GSE1: variants seen among roughly 807,000 people sequenced by gnomAD.
GSE1 encodes Gse1 coiled-coil protein.
In GSE1, 32 loss-of-function variants were observed where a neutral mutation model predicts 112.6. The observed-to-expected ratio is 0.28, with a 90% CI of 0.21 to 0.38. The LOEUF (loss-of-function observed/expected upper bound fraction) is 0.38. Ranked by LOEUF, GSE1 falls within the 10% of genes least tolerant of loss-of-function variation. GSE1 has a pLI of 1.00. For synonymous variants in GSE1, 1,115 were observed against 735.6 expected, an observed-to-expected ratio of 1.52 and a Z score of -8.35; for missense variants, 2,348 against 1,699.2, an observed-to-expected ratio of 1.38 and a Z score of -6.71.
Position 85,373,220 on chromosome 16 carries a change from G to T in GSE1, c.2464+15577G>T, listed in dbSNP as rs566240245. 6.6e-6 allele frequency among the ~76,000 whole-genome samples: 1 copy of T among 152,194 alleles called. No individual in the cohort carries two copies. Among genetic ancestry groups the T allele is most frequent in the Non-Finnish European group, 1.5e-5 (1 of 68,030 alleles). On this transcript the variant is annotated intron_variant, in intron 2 of 2. Coordinates refer to the GSE1 transcript ENST00000637419. The surrounding 1 kb of genome is among the most constrained non-coding windows in gnomAD (Gnocchi z 5.1). ...CAGGCGCCTGGTAGCAGGCCCAGCTGCCTCGAGGTGCTCCCAGGGATGGAT... is the reference window on the plus strand; with the variant it reads ...CAGGCGCCTGGTAGCAGGCCCAGCTTCCTCGAGGTGCTCCCAGGGATGGAT...
intron 2 of GSE1, among the ~76,000 whole-genome samples, chr16:85,403,073 G>A (rs2048154881): frequency 1.6e-5 from 2 of 125,744 alleles, no homozygotes; most frequent in African/African-American, 2.8e-5. Context: ...CTACTCCCAA[G>A]CCCTCTCCCA....
At chr16:85,401,785 G>A (rs1251062588) in intron 2 of GSE1, among the ~76,000 whole-genome samples, 2 of 152,348 alleles carry the variant, frequency 1.3e-5, no homozygotes, top group East Asian at 1.9e-4. Context: ...TACTGTGGGG[G>A]AGGGCCGAGA....
At chr16:85,298,097 A>C (rs2045417159) in intron 1 of GSE1, among the ~76,000 whole-genome samples, 1 of 152,248 alleles carries the variant, frequency 6.6e-6, no homozygotes, top group African/African-American at 2.4e-5. Context: ...AGAGCTTCTC[A>C]AACTGCAACG....
At chr16:85,194,248 C>T (rs1316392107) in intron 1 of GSE1, among the ~76,000 whole-genome samples, 1 of 152,056 alleles carries the variant, frequency 6.6e-6, no homozygotes, top group Non-Finnish European at 1.5e-5. Flanking sequence ...GACCCCTGGC[C>T]CTGGATAGAC....
intron 2 of GSE1, among the ~76,000 whole-genome samples, chr16:85,636,924 A>T (rs1012265770): frequency 2.0e-5 from 3 of 147,172 alleles, no homozygotes; most frequent in African/African-American, 7.3e-5. Context: ...CCCCTGTGCT[A>T]CCCCCCCAGC....
upstream of GSE1, among the ~76,000 whole-genome samples, chr16:85,612,816 C>T (rs952024600): frequency 2.6e-5 from 4 of 152,236 alleles, no homozygotes; most frequent in Admixed American, 1.3e-4. Flanking sequence ...AGTTACCCGT[C>T]CGCCCATTAT....
chr16:85,632,390 C>T (rs2049613131), intron 1 of GSE1, among the ~76,000 whole-genome samples: 1 of 152,180 alleles, frequency 6.6e-6, no homozygotes, highest in Non-Finnish European at 1.5e-5. Flanking sequence ...CCCAGCCCTT[C>T]CCTCAGTGCC....
intron 2 of GSE1, among the ~76,000 whole-genome samples, chr16:85,647,049 G>A (rs996388693): frequency 6.6e-6 from 1 of 152,178 alleles, no homozygotes; most frequent in Non-Finnish European, 1.5e-5. Flanking sequence ...GGGAGCCCTG[G>A]TCTGAGAAGG....
intron 1 of GSE1, among the ~76,000 whole-genome samples, chr16:85,186,201 T>G (rs2074698027): frequency 6.6e-6 from 1 of 152,196 alleles, no homozygotes. Context: ...TTGGGTACAG[T>G]GGCTCACGTC....
chr16:85,541,445 A>C (rs2044515454), intron 2 of GSE1, among the ~76,000 whole-genome samples: 1 of 152,132 alleles, frequency 6.6e-6, no homozygotes, highest in South Asian at 2.1e-4. Flanking sequence ...CCGTGTCCCC[A>C]CTGCCCCAGC....
At chr16:85,495,183 TC>T (rs1449888580) in intron 2 of GSE1, among the ~76,000 whole-genome samples, 3 of 152,190 alleles carry the variant, frequency 2.0e-5, no homozygotes, top group Non-Finnish European at 4.4e-5. Context: ...CTGGGCCTGT[TC>T]CCCGAAAGCC....
Position 85,478,895 on chromosome 16 carries a change from CTTTCTTTCTTTCTTTCTTTCTTTCTT to C in GSE1, c.2464+121254_2464+121279del, listed in dbSNP as rs1567520529. ...TCTTTCTTTCTTTCTTTCTTTCTTT[CTTTCTTTCTTTCTTTCTTTCTTTCTT>C]TCTTTCTCTTTCTTTCTTTCTTTCT... is the stretch of plus-strand genomic sequence containing the variant. On this transcript the variant is annotated intron_variant, in intron 2 of 2. Transcript: ENST00000637419. Among the ~76,000 whole-genome samples the C allele has an allele frequency of 1.0e-4, 8 of 76,338 alleles. 1 individual carries two copies. Among genetic ancestry groups the C allele is most frequent in the African/African-American group, 5.4e-4 (7 of 12,926 alleles). The allele number at this position is 76,338 out of a possible 152,430, so 50.1% of individuals were successfully genotyped here. A position where few individuals can be genotyped will look rare whatever the true frequency, so the allele number is the denominator to read the frequency against.
At chr16:85,209,702 G>A (rs2075191549) in intron 1 of GSE1, among the ~76,000 whole-genome samples, 2 of 152,210 alleles carry the variant, frequency 1.3e-5, no homozygotes, top group African/African-American at 2.4e-5. Flanking sequence ...CCATGGTCAC[G>A]ACACGTGATC....
intron 8 of GSE1, among the ~76,000 whole-genome samples, chr16:85,660,044 G>A (rs907205118): frequency 3.9e-5 from 6 of 152,388 alleles, no homozygotes; most frequent in African/African-American, 7.2e-5. Flanking sequence ...TGCCTGCGGG[G>A]ACAGTGGGGA....
At chr16:85,279,188 G>C (rs147771959) in intron 1 of GSE1, among the ~76,000 whole-genome samples, 39 of 152,258 alleles carry the variant, frequency 2.6e-4, no homozygotes, top group African/African-American at 7.9e-4. Context: ...ATAGTGGGGA[G>C]GGGGGAGGAG....
chr16:85,383,436 C>T lies in GSE1; in HGVS notation c.2464+25793C>T, dbSNP rs114968055. Reference sequence around the variant, plus strand: ...CACACACAGCCTCTGTACATAGATACGCACGCATTCACATGTACACACAGT... The same window carrying T: ...CACACACAGCCTCTGTACATAGATATGCACGCATTCACATGTACACACAGT... On this transcript the variant is annotated intron_variant, in intron 2 of 2. Coordinates refer to the GSE1 transcript ENST00000637419. Among the ~76,000 whole-genome samples, 614 of 152,104 alleles carry T rather than the reference C, an allele frequency of 4.0e-3. 5 individuals carry two copies. Among genetic ancestry groups the T allele is most frequent in the African/African-American group, 0.013 (553 of 41,470 alleles).
At chr16:85,521,772 G>A (rs1021086193) in intron 2 of GSE1, among the ~76,000 whole-genome samples, 9 of 152,354 alleles carry the variant, frequency 5.9e-5, no homozygotes, top group Non-Finnish European at 1.0e-4. Flanking sequence ...GCCCTGAGAG[G>A]GGCCAGCCTC....
At position 85,409,548 on chromosome 16, in the gene GSE1, A is replaced by G. The variant is rs1450020376; in HGVS notation, c.2464+51905A>G. 2.3e-4 allele frequency among the ~76,000 whole-genome samples: 2 copies of G among 8,708 alleles called. 1 individual carries two copies. The highest frequency in any genetic ancestry group is 2.7e-4 in the African/African-American group (2 of 7,470). 5.7% of individuals were successfully genotyped at this position (8,708 alleles called of 152,430 possible). The stretch of plus-strand genomic sequence containing the variant: ...TCACTGTTACACTCAGGGCACCTGG[A>G]TAATCCTCACTGTTACCCTCAGGCC... On this transcript the variant is annotated intron_variant, in intron 2 of 2. Transcript: ENST00000637419.
intron 1 of GSE1, among the ~76,000 whole-genome samples, chr16:85,182,317 G>T (rs947680117): frequency 6.6e-6 from 1 of 152,234 alleles, no homozygotes; most frequent in Non-Finnish European, 1.5e-5. Flanking sequence ...GTTCAGCCCT[G>T]TTGTCCAAGA....
Sources: allele counts gnomAD v4.1 joint callset (sites outside exome capture counted in the v4.1 genomes callset), GRCh38; gene constraint gnomAD v4.1.1; non-coding constraint Gnocchi (gnomAD v3.1); transcripts MANE v1.5; gene names NCBI Gene and HGNC (gene_info 2026-07-23, HGNC 2026-07-21).